ZC3H3: variants seen among roughly 807,000 people sequenced by gnomAD.
The protein encoded by ZC3H3 is zinc finger CCCH domain-containing protein 3.
In ZC3H3, 36 loss-of-function variants were observed where a neutral mutation model predicts 77.3. The ratio of observed to expected loss-of-function variants is 0.47; its 90% confidence interval spans 0.36 to 0.61. The LOEUF (loss-of-function observed/expected upper bound fraction) is 0.61, where lower values mean the gene tolerates loss of function less well. Among genes scored for constraint, ZC3H3 ranks in the 20% least tolerant of loss-of-function variants. The pLI is 0.00. For missense variants in ZC3H3, 1,331 were observed against 1,312.2 expected, an observed-to-expected ratio of 1.01 and a Z score of -0.22; for synonymous variants, 626 against 555.2, an observed-to-expected ratio of 1.13 and a Z score of -1.79.
At chr8:143,526,019 T>C (rs1463947503) in intron 3 of ZC3H3, among the ~76,000 whole-genome samples, 2 of 152,222 alleles carry the variant, frequency 1.3e-5, no homozygotes, top group South Asian at 2.1e-4. Flanking sequence ...GTGCTGACGA[T>C]GTGGGGGGCC....
chr8:143,450,433 G>A (rs1182944878), intron 9 of ZC3H3, among the ~76,000 whole-genome samples: 1 of 152,108 alleles, frequency 6.6e-6, no homozygotes, highest in Non-Finnish European at 1.5e-5. Context: ...CACCCACCTC[G>A]GCCTTCCAAA....
At chr8:143,474,660 C>T (rs372811110) in intron 5 of ZC3H3, among the ~76,000 whole-genome samples, 8 of 152,212 alleles carry the variant, frequency 5.3e-5, no homozygotes, top group South Asian at 2.1e-4. Flanking sequence ...AGGTCCCAGG[C>T]GGGTCGGGGA....
intron 3 of ZC3H3, among the ~76,000 whole-genome samples, chr8:143,523,697 G>C (rs984529199): frequency 6.6e-6 from 1 of 152,248 alleles, no homozygotes; most frequent in East Asian, 1.9e-4. Context: ...GCCACCAGGA[G>C]TGCATTCTCC....
At chr8:143,457,797 G>C (rs1033423856) in intron 9 of ZC3H3, among the ~76,000 whole-genome samples, 1 of 151,962 alleles carries the variant, frequency 6.6e-6, no homozygotes, top group Non-Finnish European at 1.5e-5. Flanking sequence ...AGCCCAGGAG[G>C]TTGAGGCTGT....
intron 9 of ZC3H3, 101 bp downstream of exon 9, chr8:143,465,616 G>A: frequency 6.5e-7 from 1 of 1,540,514 alleles, no homozygotes; most frequent in South Asian, 1.2e-5. Context: ...CCTCAGGGCT[G>A]CAGATGGGTC....
intron 3 of ZC3H3, among the ~76,000 whole-genome samples, chr8:143,514,095 G>A (rs754299652): frequency 6.6e-6 from 1 of 152,182 alleles, no homozygotes. Context: ...TGAAGGTGGC[G>A]AGGCCAAGGC....
Position 143,468,550 on chromosome 8 carries a change from G to A in ZC3H3, c.1947-10C>T. The A allele has an allele frequency of 6.2e-7, 1 of 1,605,652 alleles. No individual in the cohort carries two copies. The highest frequency in any genetic ancestry group is 1.1e-5 in the South Asian group (1 of 89,748). On this transcript the variant is annotated splice_polypyrimidine_tract_variant and intron_variant, in intron 6 of 11. Coordinates refer to ENST00000262577, the MANE Select transcript of ZC3H3 (RefSeq NM_015117.3). Reference sequence around the variant, plus strand: ...GCGCTGCACTGCCCGGCTGCAGACGGGGAGAGAGGTGCGTGAGCCTGAGGG... The same window carrying A: ...GCGCTGCACTGCCCGGCTGCAGACGAGGAGAGAGGTGCGTGAGCCTGAGGG...
chr8:143,482,649 G>A lies in ZC3H3; in HGVS notation c.1716-7064C>T, dbSNP rs432027. 9.5e-3 allele frequency among the ~76,000 whole-genome samples: 1,441 copies of A among 152,260 alleles called. 15 individuals are homozygous for A. The highest frequency in any genetic ancestry group is 0.033 in the African/African-American group (1,354 of 41,538). Reference sequence around the variant, plus strand: ...GGCTGGGGCAAGATGGGCTCTCTGAGAACAAAGGGAGCAGCGGGGCTCAAG... The same window carrying A: ...GGCTGGGGCAAGATGGGCTCTCTGAAAACAAAGGGAGCAGCGGGGCTCAAG... On this transcript the variant is annotated intron_variant, in intron 4 of 11. Coordinates refer to ENST00000262577, the MANE Select transcript of ZC3H3 (RefSeq NM_015117.3).
At chr8:143,529,989 T>G (rs1477477656) in intron 3 of ZC3H3, among the ~76,000 whole-genome samples, 1 of 152,148 alleles carries the variant, frequency 6.6e-6, no homozygotes, top group Non-Finnish European at 1.5e-5. Flanking sequence ...GAGACTCCAC[T>G]TCTCATCTGC....
chr8:143,457,250 A>G (rs1820145853), intron 9 of ZC3H3, among the ~76,000 whole-genome samples: 1 of 152,196 alleles, frequency 6.6e-6, no homozygotes, highest in Non-Finnish European at 1.5e-5. Context: ...ATCAATACAG[A>G]TCGAACTAGA....
chr8:143,471,449 G>A (rs1461438746), intron 5 of ZC3H3, among the ~76,000 whole-genome samples: 1 of 152,244 alleles, frequency 6.6e-6, no homozygotes, highest in Non-Finnish European at 1.5e-5. Flanking sequence ...AGCAGGGAGG[G>A]CCACGGCCAC....
intron 9 of ZC3H3, among the ~76,000 whole-genome samples, chr8:143,461,769 G>A (rs1430725428): frequency 1.3e-5 from 2 of 152,126 alleles, no homozygotes; most frequent in Non-Finnish European, 2.9e-5. Flanking sequence ...AAGGCCCACA[G>A]AAGAAACTTA....
intron 3 of ZC3H3, among the ~76,000 whole-genome samples, chr8:143,528,150 C>A (rs1424006901): frequency 6.6e-6 from 1 of 152,240 alleles, no homozygotes; most frequent in Admixed American, 6.5e-5. Flanking sequence ...GCAAGCCCAC[C>A]CTGGCAACCA....
chr8:143,495,144 C>CTA, intron 4 of ZC3H3, among the ~76,000 whole-genome samples: 1 of 152,296 alleles, frequency 6.6e-6, no homozygotes, highest in East Asian at 1.9e-4. Flanking sequence ...TCAGCAGGCT[C>CTA]TACTCACAGT....
intron 9 of ZC3H3, among the ~76,000 whole-genome samples, chr8:143,456,690 A>C (rs932930694): frequency 3.3e-5 from 5 of 152,082 alleles, no homozygotes; most frequent in Admixed American, 6.5e-5. Flanking sequence ...ACATAGCAAG[A>C]CCCTATCTCT....
chr8:143,530,325 G>C lies in ZC3H3; in HGVS notation c.1561+5932C>G, dbSNP rs555210331. ...GGCTTATTCCAGGCCACGGGGGAAG[G>C]GGGCAGGCCACCGGCATGCATCCAC... On this transcript the variant is annotated intron_variant, in intron 3 of 11. Coordinates refer to ENST00000262577, the MANE Select transcript of ZC3H3 (RefSeq NM_015117.3). The surrounding 1 kb of genome is among the most constrained non-coding windows in gnomAD (Gnocchi z 4.3). Among the ~76,000 whole-genome samples the C allele has an allele frequency of 6.6e-6, 1 of 152,278 alleles. No individual in the cohort carries two copies. The highest frequency in any genetic ancestry group is 1.9e-4 in the East Asian group (1 of 5,168).
chr8:143,512,192 C>T (rs1821889500), intron 3 of ZC3H3, among the ~76,000 whole-genome samples: 1 of 152,252 alleles, frequency 6.6e-6, no homozygotes, highest in African/African-American at 2.4e-5. Context: ...GGGGCCACTG[C>T]AGCGCTGCCC....
chr8:143,516,233 T>C (rs1400686571), intron 3 of ZC3H3, among the ~76,000 whole-genome samples: 1 of 152,230 alleles, frequency 6.6e-6, no homozygotes, highest in African/African-American at 2.4e-5. Context: ...TGAATTTTTA[T>C]GAGTCTAATA....
chr8:143,468,025 G>A (rs1820459614), intron 8 of ZC3H3, among the ~76,000 whole-genome samples, 184 bp downstream of exon 8: 1 of 152,216 alleles, frequency 6.6e-6, no homozygotes. Context: ...TTCCGGGGAA[G>A]AGGAAGCCCA....
Sources: allele counts gnomAD v4.1 joint callset (sites outside exome capture counted in the v4.1 genomes callset), GRCh38; gene constraint gnomAD v4.1.1; non-coding constraint Gnocchi (gnomAD v3.1); transcripts MANE v1.5; gene names NCBI Gene and HGNC (gene_info 2026-07-23, HGNC 2026-07-21).